The following HMCN2 variants were observed in gnomAD, a reference collection of about 807,000 sequenced individuals.
HMCN2 encodes the protein hemicentin-2.
Under a neutral mutation model 377.5 loss-of-function variants are expected in HMCN2, and 325 were observed. The observed-to-expected ratio is 0.86, with a 90% CI of 0.79 to 0.94. The LOEUF is 0.94. HMCN2 is among the 40% of genes least tolerant of loss of function. The pLI is 0.00. For missense variants in HMCN2, 4,543 were observed against 4,725.3 expected (o/e 0.96, Z 1.13); for synonymous variants, 2,007 against 2,046.8 (o/e 0.98, Z 0.53).
intron 28 of HMCN2, 48 bp downstream of exon 28, chr9:130,349,179 A>G (rs1406200048): frequency 2.3e-6 from 3 of 1,286,938 alleles, no homozygotes; most frequent in Non-Finnish European, 3.1e-6. Context: ...CTGGCCCTGT[A>G]GCCCCAACTC....
At position 130,427,553 on chromosome 9, in the gene HMCN2, C is replaced by G. The variant is rs1452485665; in HGVS notation, c.13999C>G (p.Pro4667Ala). ...CTGCTCCCATGCCTGCCTTAATGCACCCGGCCGCTTCTCCTGCACCTGCCC... is the reference window on the plus strand; with the variant it reads ...CTGCTCCCATGCCTGCCTTAATGCAGCCGGCCGCTTCTCCTGCACCTGCCC... ...SPCSHACLNA[P>A]GRFSCTCPTG... The change falls in exon 92 of 98, where the codon CCC becomes GCC. Residue 4667 changes from proline (P) to alanine (A), a missense_variant. Pro to Ala is a conservative substitution (Grantham distance 27). Transcript: ENST00000683500. The G allele has an allele frequency of 6.4e-7, 1 of 1,550,498 alleles. No homozygotes were observed. The highest frequency in any genetic ancestry group is 1.2e-5 in the South Asian group (1 of 84,052).
rs544188274 is a variant in HMCN2, at chr9:130,418,922, C to A, written c.13112C>A (p.Thr4371Asn). The A allele has an allele frequency of 1.0e-5, 16 of 1,547,536 alleles. No individual in the cohort carries two copies. The South Asian group carries it at 1.7e-4, about 16-fold the overall frequency. The change falls in exon 86 of 98, where the codon ACC (threonine) becomes AAC (asparagine). Residue 4371 changes from threonine to asparagine, a missense_variant. Transcript: ENST00000683500. ...QPLRASRRLRTLPDGSLWLEN... is the reference protein window; with the variant it reads ...QPLRASRRLRNLPDGSLWLEN... ...TTGCGGGCCAGCCGGCGGCTCCGGACCCTGCCCGATGGGAGCCTGTGGCTG... is the reference window on the plus strand; with the variant it reads ...TTGCGGGCCAGCCGGCGGCTCCGGAACCTGCCCGATGGGAGCCTGTGGCTG...
chr9:130,424,185 AT>A lies in HMCN2; in HGVS notation c.13382-580del, dbSNP rs1425977340. Among the ~76,000 whole-genome samples, 1,199 of 128,556 alleles carry A rather than the reference AT, an allele frequency of 9.3e-3. 8 individuals are homozygous for A. The highest frequency in any genetic ancestry group is 0.011 in the Non-Finnish European group (668 of 59,782). 84.3% of individuals were successfully genotyped at this position (128,556 alleles called of 152,430 possible). On this transcript the variant is annotated intron_variant, in intron 87 of 97. Transcript: ENST00000683500. ...TATATATATATTTTTTTTTTTTTTA[AT>A]TTTTTTTTTTGAGACGGAGTCTCGC...
At chr9:130,305,035 A>C (rs1270658855) in intron 11 of HMCN2, 33 bp downstream of exon 11, 3 of 457,312 alleles carry the variant, frequency 6.6e-6, no homozygotes, top group Non-Finnish European at 1.4e-5. Context: ...TGTTCCCCTA[A>C]TTCAACACGT....
chr9:130,392,763 A>G (rs10901286), intron 66 of HMCN2, among the ~76,000 whole-genome samples: 42,902 of 151,954 alleles, frequency 0.28, 6,423 homozygotes, highest in Admixed American at 0.4. Context: ...TTGGGAGGCC[A>G]AGGCGGGCAG....
chr9:130,348,461 G>A, intron 26 of HMCN2, 84 bp from the exon 27 acceptor site: 3 of 1,251,566 alleles, frequency 2.4e-6, no homozygotes, highest in Non-Finnish European at 3.1e-6. Context: ...GTGACGAAGG[G>A]GAGGGAATGG....
intron 3 of HMCN2, 69 bp from the exon 4 acceptor site, chr9:130,286,119 G>C: frequency 2.2e-6 from 1 of 462,192 alleles, no homozygotes; most frequent in Non-Finnish European, 4.5e-6. Context: ...CCCTGGTCGA[G>C]GTCCTGCTGC....
intron 15 of HMCN2, among the ~76,000 whole-genome samples, chr9:130,315,862 T>C (rs1837536848): frequency 6.6e-6 from 1 of 152,150 alleles, no homozygotes; most frequent in East Asian, 1.9e-4. Flanking sequence ...GCATCTCTTC[T>C]TAAAAGGACA....
intron 15 of HMCN2, among the ~76,000 whole-genome samples, chr9:130,316,079 C>A (rs1837546597): frequency 6.6e-6 from 1 of 152,202 alleles, no homozygotes. Context: ...TGCTGCACCA[C>A]CGAGGGTGGT....
At chr9:130,368,992 A>G (rs976889017) in intron 44 of HMCN2, among the ~76,000 whole-genome samples, 6 of 152,006 alleles carry the variant, frequency 3.9e-5, no homozygotes. Context: ...TCACTAACCC[A>G]AGCATTGGGG....
intron 1 of HMCN2, among the ~76,000 whole-genome samples, chr9:130,274,172 C>T (rs1405295219): frequency 6.6e-6 from 1 of 151,996 alleles, no homozygotes; most frequent in Non-Finnish European, 1.5e-5. Flanking sequence ...CCTGTCTCAG[C>T]TTCCCAAGTA....
intron 74 of HMCN2, among the ~76,000 whole-genome samples, chr9:130,398,154 A>G: frequency 1.3e-5 from 1 of 79,870 alleles, no homozygotes; most frequent in East Asian, 4.4e-4. Flanking sequence ...CTCCGTCTAC[A>G]AAAAAAAAAA....
intron 19 of HMCN2, among the ~76,000 whole-genome samples, chr9:130,323,992 G>A (rs1437755570): frequency 4.6e-5 from 7 of 152,184 alleles, no homozygotes; most frequent in Admixed American, 6.5e-5. Flanking sequence ...ATGAGCCACC[G>A]TGCCTGGCCT....
intron 76 of HMCN2, chr9:130,400,577 CT>C (rs5900896): frequency 0.17 from 39,694 of 227,528 alleles, 4,020 homozygotes; most frequent in East Asian, 0.36. Context: ...AAAAAATACA[CT>C]TTTTTTTTTA....
At chr9:130,403,491 C>T (rs1842952530) in intron 79 of HMCN2, among the ~76,000 whole-genome samples, 163 bp downstream of exon 79, 1 of 152,174 alleles carries the variant, frequency 6.6e-6, no homozygotes, top group African/African-American at 2.4e-5. Flanking sequence ...TCTGGCCTCC[C>T]CCTCCCCAAC....
chr9:130,395,936 A>C lies in HMCN2; in HGVS notation c.10924A>C (p.Thr3642Pro). 7.8e-7 allele frequency: 1 copy of C among 1,287,328 alleles called. No homozygotes were observed. The highest frequency in any genetic ancestry group is 1.0e-6 in the Non-Finnish European group (1 of 988,582). 79.7% of individuals were successfully genotyped at this position (1,287,328 alleles called of 1,614,324 possible). ...CGGGGCTCTCCAGGAGGACGCCCAC[A>C]CACAATTCCCGGAGCGGGGCAGGTT... ...DGIVLQEDAH[T>P]QFPERGRFLQ... Residue 3642 changes from threonine to proline, a missense_variant, in exon 72 of 98, where the codon ACA (threonine) becomes CCA (proline). This residue lies in a region of HMCN2 where 1,073 missense variants were observed against 1,319.5 expected (regional missense o/e 0.81). Coordinates refer to ENST00000683500, the MANE Select transcript of HMCN2 (RefSeq NM_001291815.2).
At position 130,372,899 on chromosome 9, in the gene HMCN2, G is replaced by A. The variant is rs1335242922; in HGVS notation, c.7352-139G>A. The A allele has an allele frequency of 2.6e-5, 4 of 156,348 alleles. No homozygotes were observed. In the East Asian group the frequency reaches 5.8e-4, roughly 23 times the overall value. The allele number at this position is 156,348 out of a possible 1,614,324, so 9.7% of individuals were successfully genotyped here. The stretch of plus-strand genomic sequence containing the variant: ...ATGTTTCTTAAACTCACCACCCTAT[G>A]GAAACAGGCATGGGATGGGGAAACT... On this transcript the variant is annotated intron_variant, in intron 47 of 97. Transcript: ENST00000683500.
intron 78 of HMCN2, 124 bp downstream of exon 78, chr9:130,403,020 A>G: frequency 6.0e-6 from 6 of 1,005,242 alleles, no homozygotes; most frequent in Non-Finnish European, 7.9e-6. Context: ...CCTGTCTCCC[A>G]TGGGATTCTT....
intron 96 of HMCN2, 73 bp from the exon 97 acceptor site, chr9:130,432,356 C>T: frequency 6.9e-7 from 1 of 1,440,208 alleles, no homozygotes; most frequent in Non-Finnish European, 9.5e-7. Context: ...GTACTTCTCC[C>T]CACGCACTCC....
Sources: gnomAD v4.1 joint callset for allele counts (sites outside exome capture counted in the v4.1 genomes callset) on GRCh38, gnomAD v4.1.1 for gene constraint, gnomAD v4.1.1 regional missense constraint, MANE v1.5 for transcripts, NCBI Gene and HGNC (gene_info 2026-07-23, HGNC 2026-07-21) for gene names.